IDH3A: variants seen among roughly 807,000 people sequenced by gnomAD.
The protein encoded by IDH3A is isocitrate dehydrogenase (NAD(+)) 3 catalytic subunit alpha.
IDH3A carries 23 observed loss-of-function variants against 43.3 expected under a neutral mutation model. The observed-to-expected ratio is 0.53, with a 90% confidence interval of 0.38 to 0.75. IDH3A has a LOEUF of 0.75. IDH3A is among the 30% of genes least tolerant of loss of function. The pLI, the probability that IDH3A is intolerant of heterozygous loss-of-function variation, is 0.00. For missense variants in IDH3A, 329 were observed against 474.4 expected (o/e 0.69, Z 2.85); for synonymous variants, 154 against 163.5 (o/e 0.94, Z 0.44).
intron 3 of IDH3A, among the ~76,000 whole-genome samples, chr15:78,159,193 AT>A (rs2074656223): frequency 6.6e-6 from 1 of 152,178 alleles, no homozygotes; most frequent in African/African-American, 2.4e-5. Flanking sequence ...TCACAGAGTT[AT>A]GCAACCATCA....
intron 1 of IDH3A, chr15:78,150,654 A>C (rs1220238347): frequency 1.3e-5 from 2 of 152,246 alleles, no homozygotes; most frequent in African/African-American, 4.8e-5. Flanking sequence ...GAATTGTTTG[A>C]GTATTAAATA....
chr15:78,165,117 AG>A (rs1440276028), intron 9 of IDH3A, 41 bp downstream of exon 9: 1 of 1,255,090 alleles, frequency 8.0e-7, no homozygotes, highest in Admixed American at 1.7e-5. Flanking sequence ...AGGTCAGAAC[AG>A]CGTGTGAACT....
At chr15:78,167,518 A>AGG (rs2074759422) in intron 10 of IDH3A, 2 of 152,250 alleles carry the variant, frequency 1.3e-5, no homozygotes, top group African/African-American at 4.8e-5. Flanking sequence ...TGCATAACAT[A>AGG]AAATTTGCCA....
intron 10 of IDH3A, chr15:78,167,793 C>T (rs2074764118): frequency 6.6e-6 from 1 of 152,098 alleles, no homozygotes; most frequent in Non-Finnish European, 1.5e-5. Flanking sequence ...TTTCACTTAG[C>T]GTAATATCTT....
rs1162509666 is a variant in IDH3A, at chr15:78,169,851, T to C, written c.*846T>C. 2 of 152,238 alleles carry C rather than the reference T, an allele frequency of 1.3e-5. No individual in the cohort carries two copies. The highest frequency in any genetic ancestry group is 1.3e-4 in the Admixed American group (2 of 15,290). The allele number at this position is 152,238 out of a possible 1,614,324, so 9.4% of individuals were successfully genotyped here. The stretch of plus-strand genomic sequence containing the variant: ...AAGGGCTGAGTGTATTGTAAACTTA[T>C]TCTTGCATGTTGCTGTCTGGGAATG... On this transcript the variant is annotated 3_prime_UTR_variant, in exon 11 of 11. Coordinates refer to ENST00000299518, the MANE Select transcript of IDH3A (RefSeq NM_005530.3).
intron 2 of IDH3A, chr15:78,156,982 T>C (rs1037403215): frequency 1.5e-6 from 2 of 1,345,074 alleles, no homozygotes; most frequent in African/African-American, 3.0e-5. Flanking sequence ...AAGAAAAAAA[T>C]GGAAGCTCTC....
rs1403888369 is a variant in IDH3A, at chr15:78,171,860, C to G, written c.*2855C>G. ...ATCTGCCTTTTCCTTGACCTGTACC[C>G]AGTTTTGACCCTCAGTCCATTTTCT... On this transcript the variant is annotated 3_prime_UTR_variant, in exon 11 of 11. Transcript: ENST00000299518. 5.8e-6 allele frequency: 1 copy of G among 172,152 alleles called. No individual in the cohort carries two copies. The highest frequency in any genetic ancestry group is 1.6e-4 in the East Asian group (1 of 6,330). 10.7% of individuals were successfully genotyped at this position (172,152 alleles called of 1,614,324 possible).
intron 1 of IDH3A, among the ~76,000 whole-genome samples, chr15:78,153,170 C>T (rs967797131): frequency 2.6e-5 from 4 of 151,828 alleles, no homozygotes; most frequent in African/African-American, 9.7e-5. Context: ...AATCATAGCT[C>T]ACAGAAGCCT....
Position 78,171,426 on chromosome 15 carries a change from T to C in IDH3A, c.*2421T>C. The C allele has an allele frequency of 6.2e-7, 1 of 1,606,698 alleles. No homozygotes were observed. The highest frequency in any genetic ancestry group is 2.2e-5 in the East Asian group (1 of 44,826). On this transcript the variant is annotated 3_prime_UTR_variant, in exon 11 of 11. Coordinates refer to ENST00000299518, the MANE Select transcript of IDH3A (RefSeq NM_005530.3). ...CGCCTGCCCTCTATTCTATAGAAAC[T>C]GCAGGCATAGGCCCTGATTACATTT...
intron 9 of IDH3A, 63 bp downstream of exon 9, chr15:78,165,139 T>C: frequency 2.0e-6 from 2 of 983,046 alleles, no homozygotes; most frequent in Non-Finnish European, 3.3e-6. Context: ...CAGGAGGAGT[T>C]ATCTGTATAA....
At chr15:78,157,517 A>T in intron 2 of IDH3A, 31 bp from the exon 3 acceptor site, 1 of 1,496,068 alleles carries the variant, frequency 6.7e-7, no homozygotes, top group Non-Finnish European at 9.2e-7. Context: ...AAAAATTCTT[A>T]CTGTCTTCTT....
chr15:78,164,226 T>A (rs1441758931), intron 8 of IDH3A, among the ~76,000 whole-genome samples: 1 of 152,036 alleles, frequency 6.6e-6, no homozygotes, highest in Non-Finnish European at 1.5e-5. Context: ...TTTATCACAT[T>A]TACTTTATTA....
rs181170316 is a variant in IDH3A at position 78,167,786 on chromosome 15, C to G, written c.1018-1136C>G. 2.0e-5 allele frequency: 3 copies of G among 152,274 alleles called. No individual in the cohort carries two copies. The East Asian group carries it at 5.8e-4, about 29-fold the overall frequency. 9.4% of individuals were successfully genotyped at this position (152,274 alleles called of 1,614,324 possible). ...TTTGTCCTTTGAGTCTGGCTTATTTCACTTAGCGTAATATCTTCAAAGTTG... is the reference window on the plus strand; with the variant it reads ...TTTGTCCTTTGAGTCTGGCTTATTTGACTTAGCGTAATATCTTCAAAGTTG... On this transcript the variant is annotated intron_variant, in intron 10 of 10. Transcript: ENST00000299518.
chr15:78,153,347 T>C (rs2074595153), intron 1 of IDH3A, among the ~76,000 whole-genome samples: 2 of 152,242 alleles, frequency 1.3e-5, no homozygotes, highest in South Asian at 4.1e-4. Flanking sequence ...ATGAGTTTTG[T>C]GTGAATGTCT....
At chr15:78,157,052 T>C (rs765957051) in intron 2 of IDH3A, 19 of 1,208,752 alleles carry the variant, frequency 1.6e-5, no homozygotes, top group Non-Finnish European at 1.8e-5. Flanking sequence ...ATTTTGGAAA[T>C]GTGTCTGAAA....
Position 78,170,452 on chromosome 15 carries a change from T to A in IDH3A, c.*1447T>A, listed in dbSNP as rs968252872. 4.6e-5 allele frequency: 7 copies of A among 152,174 alleles called. No homozygotes were observed. The highest frequency in any genetic ancestry group is 1.7e-4 in the African/African-American group (7 of 41,442). The allele number at this position is 152,174 out of a possible 1,614,324, so 9.4% of individuals were successfully genotyped here. A position where few individuals can be genotyped will look rare whatever the true frequency, so the allele number is the denominator to read the frequency against. On this transcript the variant is annotated 3_prime_UTR_variant, in exon 11 of 11. Coordinates refer to ENST00000299518, the MANE Select transcript of IDH3A (RefSeq NM_005530.3). ...ACTTATAATCTTAAATGTATTTTCCTTTGTTTAAGCTGCTGCTTCCTCTGT... is the reference window on the plus strand; with the variant it reads ...ACTTATAATCTTAAATGTATTTTCCATTGTTTAAGCTGCTGCTTCCTCTGT...
intron 2 of IDH3A, chr15:78,157,114 G>A (rs1567069339): frequency 8.8e-7 from 1 of 1,130,624 alleles, no homozygotes; most frequent in South Asian, 2.0e-5. Context: ...GGATCACAAT[G>A]GAAAGGAAAG....
chr15:78,171,584 A>C lies in IDH3A; in HGVS notation c.*2579A>C, dbSNP rs2074823196. On this transcript the variant is annotated 3_prime_UTR_variant, in exon 11 of 11. Transcript: ENST00000299518. The stretch of plus-strand genomic sequence containing the variant: ...GGCCCAGGCTCTGAGAACTCTGAGA[A>C]TGTGTGTGGTAAAGACTCACACTCA... 3 of 1,452,414 alleles carry C rather than the reference A, an allele frequency of 2.1e-6. No homozygotes were observed. The African/African-American group carries it at 4.2e-5, about 20-fold the overall frequency. The allele number at this position is 1,452,414 out of a possible 1,614,324, so 90.0% of individuals were successfully genotyped here.
intron 6 of IDH3A, 137 bp downstream of exon 6, chr15:78,162,504 A>G (rs1231473610): frequency 3.5e-6 from 3 of 859,490 alleles, no homozygotes; most frequent in African/African-American, 3.4e-5. Context: ...ATCCAAAGAT[A>G]CGGCATCTCT....
Sources: gnomAD v4.1 joint callset for allele counts (sites outside exome capture counted in the v4.1 genomes callset) on GRCh38, gnomAD v4.1.1 for gene constraint, MANE v1.5 for transcripts, NCBI Gene and HGNC (gene_info 2026-07-23, HGNC 2026-07-21) for gene names.